CHEK2: variants seen among roughly 807,000 people sequenced by gnomAD.
CHEK2 encodes serine/threonine-protein kinase Chk2.
In CHEK2, 71 loss-of-function variants were observed where a neutral mutation model predicts 69.1. The observed-to-expected ratio is 1.03, with a 90% CI of 0.85 to 1.25. The LOEUF is 1.25. Ranked by LOEUF, CHEK2 falls within the 50% of genes most tolerant of loss-of-function variation. The pLI is 0.00. For missense variants in CHEK2, 664 were observed against 649.6 expected (o/e 1.02, Z -0.24); for synonymous variants, 189 against 226.9 (o/e 0.83, Z 1.50).
intron 1 of CHEK2, among the ~76,000 whole-genome samples, chr22:28,736,601 A>T (rs1187826225): frequency 6.6e-6 from 1 of 152,248 alleles, no homozygotes; most frequent in Admixed American, 6.5e-5. Flanking sequence ...AGACCGTAAC[A>T]GAGGCTTCCA....
At chr22:28,723,037 G>A (rs893645279) in intron 4 of CHEK2, among the ~76,000 whole-genome samples, 2 of 152,104 alleles carry the variant, frequency 1.3e-5, no homozygotes, top group Admixed American at 6.6e-5. Context: ...AAGAAAAATT[G>A]TATTCCTCCT....
chr22:28,718,071 A>T (rs2053644772), intron 5 of CHEK2, among the ~76,000 whole-genome samples: 1 of 152,112 alleles, frequency 6.6e-6, no homozygotes, highest in South Asian at 2.1e-4. Flanking sequence ...ACAGAGTGAA[A>T]CTCCGTCTCA....
intron 4 of CHEK2, among the ~76,000 whole-genome samples, chr22:28,720,522 A>T (rs2146017765): frequency 6.6e-6 from 1 of 152,362 alleles, no homozygotes; most frequent in Non-Finnish European, 1.5e-5. Flanking sequence ...CTACAAAGTC[A>T]TCAATGATAA....
At chr22:28,741,179 G>C (rs1025196189) in intron 1 of CHEK2, among the ~76,000 whole-genome samples, 1 of 144,390 alleles carries the variant, frequency 6.9e-6, no homozygotes, top group Non-Finnish European at 1.5e-5. Flanking sequence ...AAAAGGTACA[G>C]ATGGTAATCA....
intron 4 of CHEK2, 123 bp downstream of exon 4, chr22:28,724,854 C>T (rs1422226246): frequency 9.5e-7 from 1 of 1,051,784 alleles, no homozygotes; most frequent in African/African-American, 1.6e-5. Context: ...GTGTGAGCCA[C>T]CACGCCCAGC....
chr22:28,714,166 T>C (rs1417864815), intron 5 of CHEK2, among the ~76,000 whole-genome samples: 4 of 152,234 alleles, frequency 2.6e-5, no homozygotes, highest in African/African-American at 9.6e-5. Flanking sequence ...CTACATCATT[T>C]TACATTCCCG....
chr22:28,712,761 G>C (rs553380251), intron 5 of CHEK2, among the ~76,000 whole-genome samples: 1 of 152,296 alleles, frequency 6.6e-6, no homozygotes, highest in South Asian at 2.1e-4. Context: ...GGGTTTTGAA[G>C]GGGTGAGTTG....
At chr22:28,721,235 T>C (rs1167960081) in intron 4 of CHEK2, among the ~76,000 whole-genome samples, 3 of 152,066 alleles carry the variant, frequency 2.0e-5, no homozygotes, top group African/African-American at 7.2e-5. Flanking sequence ...AACATGGTGA[T>C]TGTAGTTAAC....
chr22:28,720,655 T>C (rs1473425820), intron 4 of CHEK2, among the ~76,000 whole-genome samples: 5 of 152,134 alleles, frequency 3.3e-5, no homozygotes, highest in African/African-American at 9.7e-5. Context: ...CTGGCACAAA[T>C]CTGAGCCACC....
chr22:28,706,629 G>A (rs1235278286), intron 7 of CHEK2, among the ~76,000 whole-genome samples: 4 of 151,780 alleles, frequency 2.6e-5, no homozygotes, highest in Non-Finnish European at 2.9e-5. Context: ...CCTTTTAAAG[G>A]AGAATAAAGC....
intron 7 of CHEK2, among the ~76,000 whole-genome samples, chr22:28,708,129 G>A (rs972906398): frequency 5.9e-5 from 9 of 151,940 alleles, no homozygotes; most frequent in East Asian, 3.9e-4. Context: ...GTGAGCCACC[G>A]CGCCCACCGC....
At chr22:28,717,282 T>C (rs1472214544) in intron 5 of CHEK2, among the ~76,000 whole-genome samples, 1 of 151,658 alleles carries the variant, frequency 6.6e-6, no homozygotes, top group Non-Finnish European at 1.5e-5. Context: ...GGTGACTGAG[T>C]CAGAAGAATT....
At chr22:28,729,325 G>A (rs751734486) in intron 2 of CHEK2, 5 of 222,138 alleles carry the variant, frequency 2.3e-5, no homozygotes, top group South Asian at 2.2e-4. Flanking sequence ...GGGCGATCAC[G>A]AGGTCAGGAG....
At chr22:28,693,246 T>G (rs2052433300) in intron 13 of CHEK2, among the ~76,000 whole-genome samples, 1 of 152,268 alleles carries the variant, frequency 6.6e-6, no homozygotes, top group African/African-American at 2.4e-5. Context: ...CTTCCAACTC[T>G]TGGCAGTTCC....
chr22:28,708,778 A>T (rs2053267304), intron 7 of CHEK2: 3 of 203,904 alleles, frequency 1.5e-5, no homozygotes, highest in Non-Finnish European at 3.0e-5. Flanking sequence ...CCTGGCTAAC[A>T]TGGTGAAACC....
At chr22:28,716,010 T>C (rs1205897956) in intron 5 of CHEK2, among the ~76,000 whole-genome samples, 1 of 151,402 alleles carries the variant, frequency 6.6e-6, no homozygotes, top group Non-Finnish European at 1.5e-5. Context: ...GGACTACAGG[T>C]GCAGACCGCA....
chr22:28,735,074 C>A (rs1186737400), intron 1 of CHEK2, among the ~76,000 whole-genome samples: 1 of 151,904 alleles, frequency 6.6e-6, no homozygotes, highest in Non-Finnish European at 1.5e-5. Context: ...AGACTGAAAC[C>A]AAAAATGTAC....
intron 9 of CHEK2, 96 bp downstream of exon 9, chr22:28,699,742 G>A (rs2052749089): frequency 1.1e-6 from 1 of 892,596 alleles, no homozygotes; most frequent in Non-Finnish European, 1.9e-6. Flanking sequence ...ATTCTCTTCT[G>A]AGTTTTAATC....
At chr22:28,723,287 T>C (rs1356456320) in intron 4 of CHEK2, among the ~76,000 whole-genome samples, 1 of 152,142 alleles carries the variant, frequency 6.6e-6, no homozygotes, top group African/African-American at 2.4e-5. Flanking sequence ...ACTCACAGCC[T>C]AGTACCTGGC....
Sources: allele counts gnomAD v4.1 joint callset (sites outside exome capture counted in the v4.1 genomes callset), GRCh38; gene constraint gnomAD v4.1.1; transcripts MANE v1.5; gene names NCBI Gene and HGNC (gene_info 2026-07-23, HGNC 2026-07-21).